Variants in PAX7 observed in about 807,000 individuals in gnomAD.
The protein encoded by PAX7 is paired box protein Pax-7.
Under a neutral mutation model 50.7 loss-of-function variants are expected in PAX7, and 18 were observed. The ratio of observed to expected loss-of-function variants is 0.36; its 90% CI spans 0.25 to 0.53. The LOEUF is 0.53. Ranked by LOEUF, PAX7 falls within the 20% of genes least tolerant of loss-of-function variation. The probability of loss-of-function intolerance (pLI) is 0.93; values close to 1 mark genes in which losing one functional copy is unlikely to be tolerated. For synonymous variants in PAX7, 310 were observed against 290.4 expected, an observed-to-expected ratio of 1.07 and a Z score of -0.69; for missense variants, 644 against 702.9, an observed-to-expected ratio of 0.92 and a Z score of 0.95.
At chr1:18,707,444 G>C (rs1266450251) in intron 7 of PAX7, among the ~76,000 whole-genome samples, 1 of 114,860 alleles carries the variant, frequency 8.7e-6, no homozygotes, top group Non-Finnish European at 1.7e-5. Flanking sequence ...TTTTGAGATA[G>C]GGTTTCACTC....
rs1313177267 is a variant in PAX7, at chr1:18,632,172, G to A, written c.85+484G>A. Among the ~76,000 whole-genome samples, 1 of 152,018 alleles carries A rather than the reference G, an allele frequency of 6.6e-6. No individual in the cohort carries two copies. Among genetic ancestry groups the A allele is most frequent in the East Asian group, 1.9e-4 (1 of 5,186 alleles). On this transcript the variant is annotated intron_variant, in intron 1 of 8. Coordinates refer to ENST00000420770, the MANE Select transcript of PAX7 (RefSeq NM_001135254.2). The surrounding 1 kb of genome is among the most constrained non-coding windows in gnomAD (Gnocchi z 6.3). The stretch of plus-strand genomic sequence containing the variant: ...ATACTTTATATGCCTCAACTACCAC[G>A]GCTATCCATTTCTTCCGAAGCCACA...
Position 18,700,683 on chromosome 1 carries a change from C to A in PAX7, c.817C>A (p.Arg273Ser). 6.3e-7 allele frequency: 1 copy of A among 1,588,130 alleles called. No individual in the cohort carries two copies. ...GTTCAGTAACCGCCGCGCCCGTTGGCGTAAGCAGGCAGGAGCCAACCAGCT... is the reference window on the plus strand; with the variant it reads ...GTTCAGTAACCGCCGCGCCCGTTGGAGTAAGCAGGCAGGAGCCAACCAGCT... ...VWFSNRRARW[R>S]KQAGANQLAA... Residue 273 changes from arginine (R) to serine (S), a missense_variant, in exon 6 of 9, where the codon CGT (arginine) becomes AGT (serine). Transcript: ENST00000420770. The surrounding 1 kb of genome is among the most constrained non-coding windows in gnomAD (Gnocchi z 4.8).
chr1:18,670,587 T>G (rs1468838480), intron 4 of PAX7, among the ~76,000 whole-genome samples: 1 of 152,064 alleles, frequency 6.6e-6, no homozygotes, highest in East Asian at 1.9e-4. Flanking sequence ...AACCCCTAAT[T>G]CATGAAACCT....
chr1:18,696,978 A>T (rs1288674567), intron 5 of PAX7, among the ~76,000 whole-genome samples: 1 of 152,182 alleles, frequency 6.6e-6, no homozygotes, highest in Non-Finnish European at 1.5e-5. Context: ...TGTGATTATT[A>T]TACATTATAT....
chr1:18,646,819 G>A (rs970819253), intron 4 of PAX7, among the ~76,000 whole-genome samples: 1 of 151,714 alleles, frequency 6.6e-6, no homozygotes, highest in African/African-American at 2.4e-5. Flanking sequence ...CGGCCCCTCA[G>A]GAGGCTGATT....
At chr1:18,676,433 G>C (rs1324699759) in intron 4 of PAX7, among the ~76,000 whole-genome samples, 1 of 139,914 alleles carries the variant, frequency 7.1e-6, no homozygotes, top group Non-Finnish European at 1.5e-5. Context: ...AATGCACCAT[G>C]AAAGGCCTCT....
chr1:18,649,114 C>T (rs2088392671), intron 4 of PAX7, among the ~76,000 whole-genome samples: 1 of 152,110 alleles, frequency 6.6e-6, no homozygotes, highest in South Asian at 2.1e-4. Context: ...GGTCATCTGG[C>T]CATTTTACAG....
chr1:18,698,445 C>T (rs114660941), intron 5 of PAX7, among the ~76,000 whole-genome samples: 81 of 152,230 alleles, frequency 5.3e-4, no homozygotes, highest in African/African-American at 1.9e-3. Context: ...AACTGAGACC[C>T]CTCTTCCCCC....
At chr1:18,642,580 G>T (rs2088272573) in intron 4 of PAX7, among the ~76,000 whole-genome samples, 1 of 152,198 alleles carries the variant, frequency 6.6e-6, no homozygotes, top group Non-Finnish European at 1.5e-5. Context: ...GGTTAGAGGC[G>T]CTGGGAAGAT....
intron 4 of PAX7, among the ~76,000 whole-genome samples, chr1:18,677,219 T>G (rs1030895074): frequency 2.0e-5 from 3 of 152,194 alleles, no homozygotes; most frequent in Admixed American, 1.3e-4. Context: ...GAAGTCTGTT[T>G]CATAGGGTGG....
Position 18,639,598 on chromosome 1 carries a change from G to A in PAX7, c.586+3227G>A, listed in dbSNP as rs151002298. Among the ~76,000 whole-genome samples the A allele has an allele frequency of 8.5e-5, 13 of 152,204 alleles. No homozygotes were observed. The East Asian group carries it at 2.5e-3, about 29-fold the overall frequency. On this transcript the variant is annotated intron_variant, in intron 4 of 8. Coordinates refer to ENST00000420770, the MANE Select transcript of PAX7 (RefSeq NM_001135254.2). ...GAGGATCAGGGGATAGACAGGCCGG[G>A]GACCCAACAGGGAGGGGATTTGAGG...
chr1:18,640,045 C>T (rs999162632), intron 4 of PAX7, among the ~76,000 whole-genome samples: 28 of 151,708 alleles, frequency 1.8e-4, no homozygotes, highest in South Asian at 8.4e-4. Context: ...TGCAGACTTC[C>T]TGGGTGTGAA....
chr1:18,670,393 C>T (rs919583618), intron 4 of PAX7, among the ~76,000 whole-genome samples: 1 of 152,126 alleles, frequency 6.6e-6, no homozygotes, highest in African/African-American at 2.4e-5. Flanking sequence ...ATGGAGGTGG[C>T]TTTTGTTTGC....
intron 7 of PAX7, among the ~76,000 whole-genome samples, chr1:18,715,062 C>G (rs930625698): frequency 6.6e-6 from 1 of 152,208 alleles, no homozygotes; most frequent in Non-Finnish European, 1.5e-5. Flanking sequence ...CAGGCAAGAT[C>G]GCAGGTAGGA....
chr1:18,672,226 C>G (rs2088760026), intron 4 of PAX7, among the ~76,000 whole-genome samples: 1 of 152,172 alleles, frequency 6.6e-6, no homozygotes, highest in Admixed American at 6.5e-5. Context: ...TTTGCCATCT[C>G]CTGTTCTTTC....
At chr1:18,731,240 A>G (rs537435420) in intron 7 of PAX7, among the ~76,000 whole-genome samples, 59 of 152,300 alleles carry the variant, frequency 3.9e-4, no homozygotes, top group South Asian at 2.5e-3. Flanking sequence ...CTGTGGGCCA[A>G]TGCTTCCTGC....
intron 5 of PAX7, among the ~76,000 whole-genome samples, chr1:18,694,508 ATAT>A (rs1490003123): frequency 1.4e-5 from 2 of 146,658 alleles, no homozygotes; most frequent in Non-Finnish European, 1.5e-5. Context: ...AAATAAATAA[ATAT>A]AAAATAAAAT....
Position 18,700,135 on chromosome 1 carries a change from C to T in PAX7, c.787-518C>T, listed in dbSNP as rs952946356. Among the ~76,000 whole-genome samples, 3 of 150,258 alleles carry T rather than the reference C, an allele frequency of 2.0e-5. No individual in the cohort carries two copies. The highest frequency in any genetic ancestry group is 7.4e-5 in the African/African-American group (3 of 40,744). ...GTGTGTGTTTCCTATTTCAAGGAGG[C>T]CCAGGGTGTGTAAGCAAAGTAGGGC... On this transcript the variant is annotated intron_variant, in intron 5 of 8. Transcript: ENST00000420770. This position sits in a 1 kb window ranked among gnomAD's most constrained non-coding sequence, Gnocchi z 4.8.
intron 4 of PAX7, among the ~76,000 whole-genome samples, chr1:18,657,982 C>A: frequency 6.6e-6 from 1 of 152,142 alleles, no homozygotes; most frequent in East Asian, 1.9e-4. Context: ...TTTTGTCCCC[C>A]CAGGGCCGAC....
Sources: allele counts gnomAD v4.1 joint callset (sites outside exome capture counted in the v4.1 genomes callset), GRCh38; gene constraint gnomAD v4.1.1; non-coding constraint Gnocchi (gnomAD v3.1); transcripts MANE v1.5; gene names NCBI Gene and HGNC (gene_info 2026-07-23, HGNC 2026-07-21).